TLN2: variants seen among roughly 807,000 people sequenced by gnomAD.
TLN2 encodes the protein talin-2.
Under a neutral mutation model 294.7 loss-of-function variants are expected in TLN2, and 118 were observed. The ratio of observed to expected loss-of-function variants is 0.40; its 90% CI spans 0.34 to 0.47. The LOEUF is 0.47. TLN2 is among the 20% of genes least tolerant of loss of function. TLN2 has a pLI of 0.84. For synonymous variants in TLN2, 1,431 were observed against 1,304.5 expected (o/e 1.10, Z -2.09); for missense variants, 3,083 against 3,282.2 (o/e 0.94, Z 1.48).
chr15:62,812,465 A>G (rs1428349657), intron 52 of TLN2, among the ~76,000 whole-genome samples: 4 of 152,132 alleles, frequency 2.6e-5, no homozygotes, highest in Admixed American at 6.6e-5. Flanking sequence ...GACACGTACA[A>G]AGGCCTGGAT....
chr15:62,651,706 G>T (rs4368113), intron 5 of TLN2, among the ~76,000 whole-genome samples: 20,904 of 152,076 alleles, frequency 0.14, 3,202 homozygotes, highest in African/African-American at 0.38. Context: ...GAATAAGATA[G>T]GGTAAACACT....
chr15:62,433,032 G>C (rs1280873624), intron 1 of TLN2, among the ~76,000 whole-genome samples: 3 of 152,200 alleles, frequency 2.0e-5, no homozygotes, highest in Non-Finnish European at 4.4e-5. Context: ...TAGGTATGTT[G>C]ACAGAGGCAT....
chr15:62,675,090 A>T, intron 10 of TLN2, 127 bp from the exon 11 acceptor site: 1 of 827,642 alleles, frequency 1.2e-6, no homozygotes, highest in Non-Finnish European at 1.9e-6. Flanking sequence ...GAGGGGTCTC[A>T]GACACAACCA....
chr15:62,783,781 C>T lies in TLN2; in HGVS notation c.5627C>T (p.Ser1876Leu), dbSNP rs997190420. The T allele has an allele frequency of 1.2e-5, 20 of 1,600,932 alleles. No individual in the cohort carries two copies. Among genetic ancestry groups the T allele is most frequent in the South Asian group, 3.3e-5 (3 of 90,610 alleles). Residue 1876 changes from serine (S) to leucine (L), a missense_variant, in exon 45 of 59, where the codon TCG becomes TTG. Physicochemically the swap from Ser to Leu is moderately radical, Grantham distance 145. Transcript: ENST00000636159. ...GTTTTCTTTTTCCAGATGACTAAGT[C>T]GGTTACTAACCCGGAGGAGTTGGGA... The part of the protein sequence containing the change: ...AVTAQEMMTK[S>L]VTNPEELGGL...
At chr15:62,454,165 C>G (rs2036324858) in intron 1 of TLN2, among the ~76,000 whole-genome samples, 1 of 152,184 alleles carries the variant, frequency 6.6e-6, no homozygotes, top group South Asian at 2.1e-4. Context: ...TTTTCTTCCC[C>G]TAAGGGATTC....
intron 1 of TLN2, among the ~76,000 whole-genome samples, chr15:62,492,285 G>A (rs1011479164): frequency 1.3e-5 from 2 of 151,838 alleles, no homozygotes; most frequent in African/African-American, 2.4e-5. Context: ...CTAGCCGGGT[G>A]CGGTGGCTGA....
At chr15:62,515,089 A>G (rs897966878) in intron 1 of TLN2, among the ~76,000 whole-genome samples, 1 of 152,164 alleles carries the variant, frequency 6.6e-6, no homozygotes, top group South Asian at 2.1e-4. Context: ...GAGAAGATCT[A>G]AGGCCCATTT....
chr15:62,655,983 G>T lies in TLN2; in HGVS notation c.557G>T (p.Gly186Val). Reference sequence around the variant, plus strand: ...CACAGCCGAACATTCAGAGAACAAGGAGTAGATGAAAACGAAACGTTGCTG... The same window carrying T: ...CACAGCCGAACATTCAGAGAACAAGTAGTAGATGAAAACGAAACGTTGCTG... The part of the protein sequence containing the change: ...LDHSRTFREQ[G>V]VDENETLLLR... Residue 186 changes from glycine to valine, a missense_variant, in exon 8 of 59, where the codon GGA (glycine) becomes GTA (valine). Transcript: ENST00000636159. The T allele has an allele frequency of 1.9e-6, 3 of 1,614,192 alleles. No homozygotes were observed. Among genetic ancestry groups the T allele is most frequent in the Non-Finnish European group, 2.5e-6 (3 of 1,180,036 alleles).
rs148019351 is a variant in TLN2 at position 62,700,963 on chromosome 15, T to C, written c.1588-143T>C. Reference sequence around the variant, plus strand: ...TAAGAGGCCTGTTAAGGATACTGTTTAGGATAACTTAAGGGCCCTGTCGGT... The same window carrying C: ...TAAGAGGCCTGTTAAGGATACTGTTCAGGATAACTTAAGGGCCCTGTCGGT... On this transcript the variant is annotated intron_variant, in intron 16 of 58. Coordinates refer to ENST00000636159, the MANE Select transcript of TLN2 (RefSeq NM_015059.3). 296 of 658,606 alleles carry C rather than the reference T, an allele frequency of 4.5e-4. 2 individuals carry two copies. The African/African-American group carries it at 4.6e-3, about 10-fold the overall frequency. The allele number at this position is 658,606 out of a possible 1,614,324, so 40.8% of individuals were successfully genotyped here. A position where few individuals can be genotyped will look rare whatever the true frequency, so the allele number is the denominator to read the frequency against.
intron 2 of TLN2, among the ~76,000 whole-genome samples, chr15:62,602,230 A>C (rs1031497514): frequency 3.9e-5 from 6 of 152,168 alleles, no homozygotes; most frequent in Admixed American, 3.9e-4. Flanking sequence ...TAGTTTCATC[A>C]ATTATATACT....
chr15:62,569,227 T>C (rs1415078123), intron 1 of TLN2, among the ~76,000 whole-genome samples: 3 of 152,188 alleles, frequency 2.0e-5, no homozygotes, highest in Non-Finnish European at 4.4e-5. Flanking sequence ...CCTAATTACG[T>C]CTGCAAATAT....
At chr15:62,722,298 C>T (rs2060195863) in intron 25 of TLN2, 55 bp from the exon 26 acceptor site, 1 of 1,559,906 alleles carries the variant, frequency 6.4e-7, no homozygotes, top group Non-Finnish European at 8.7e-7. Flanking sequence ...TAGGTCTCTC[C>T]TCTCTACCTC....
Position 62,708,548 on chromosome 15 carries a change from T to C in TLN2, c.2219T>C (p.Ile740Thr), listed in dbSNP as rs201247821. 5.9e-5 allele frequency: 96 copies of C among 1,613,980 alleles called. No homozygotes were observed. The highest frequency in any genetic ancestry group is 3.3e-4 in the Middle Eastern group (2 of 6,084). Residue 740 changes from isoleucine (I) to threonine (T), a missense_variant, in exon 21 of 59, where the codon ATT (isoleucine) becomes ACT (threonine). Ile to Thr is a moderately conservative substitution (Grantham distance 89). Transcript: ENST00000636159. ...TCCCCTGTGTGCCAGGAGCAGCTGA[T>C]TGAAGCAGGGAAGCTGGTGGACCGC... is the stretch of plus-strand genomic sequence containing the variant. Reference protein sequence around the residue: ...ISSPVCQEQLIEAGKLVDRSV... With the variant: ...ISSPVCQEQLTEAGKLVDRSV...
At chr15:62,707,371 C>T in intron 20 of TLN2, 118 bp downstream of exon 20, 1 of 1,228,512 alleles carries the variant, frequency 8.1e-7, no homozygotes. Flanking sequence ...TTTAGAGCTT[C>T]CTTAAAGTGT....
intron 1 of TLN2, among the ~76,000 whole-genome samples, chr15:62,426,949 C>A (rs1566962639): frequency 6.6e-6 from 1 of 152,102 alleles, no homozygotes; most frequent in South Asian, 2.1e-4. Flanking sequence ...AGTAACAAGC[C>A]ACCCAGACGG....
chr15:62,798,111 C>T (rs1254755782), intron 48 of TLN2, among the ~76,000 whole-genome samples: 1 of 152,080 alleles, frequency 6.6e-6, no homozygotes, highest in African/African-American at 2.4e-5. Flanking sequence ...TTCCGGTAAC[C>T]ATCGAGTGCC....
At chr15:62,734,151 C>T (rs899397701) in intron 28 of TLN2, 3 of 152,106 alleles carry the variant, frequency 2.0e-5, no homozygotes, top group Non-Finnish European at 4.4e-5. Flanking sequence ...TTTAGCTCTT[C>T]GGATTTCTGC....
intron 1 of TLN2, among the ~76,000 whole-genome samples, chr15:62,582,130 C>T (rs928436941): frequency 4.0e-5 from 6 of 149,734 alleles, no homozygotes; most frequent in South Asian, 2.1e-4. Context: ...TAAGCTGGTA[C>T]CTTGAAGTCC....
chr15:62,657,521 T>A (rs1231843579), intron 8 of TLN2, among the ~76,000 whole-genome samples: 3 of 152,198 alleles, frequency 2.0e-5, no homozygotes, highest in Non-Finnish European at 4.4e-5. Context: ...TCATCAGACT[T>A]TGCTTTTGCT....
Sources: allele counts gnomAD v4.1 joint callset (sites outside exome capture counted in the v4.1 genomes callset), GRCh38; gene constraint gnomAD v4.1.1; transcripts MANE v1.5; gene names NCBI Gene and HGNC (gene_info 2026-07-23, HGNC 2026-07-21).